Variants in ZNF420 observed in about 807,000 individuals in gnomAD.
ZNF420 encodes zinc finger protein 420, also known as ATM and p53-associated KZNF protein.
Under a neutral mutation model 44.7 loss-of-function variants are expected in ZNF420, and 31 were observed. That is an observed-to-expected ratio of 0.69 (90% CI 0.52 to 0.94). The LOEUF (loss-of-function observed/expected upper bound fraction) is 0.94. Among genes scored for constraint, ZNF420 ranks in the 40% least tolerant of loss-of-function variants. The pLI, the probability that ZNF420 is intolerant of heterozygous loss-of-function variation, is 0.00. For missense variants in ZNF420, 681 were observed against 827.9 expected, an observed-to-expected ratio of 0.82 and a Z score of 2.18; for synonymous variants, 245 against 267.4, an observed-to-expected ratio of 0.92 and a Z score of 0.82.
chr19:37,017,750 CAGGA>C, intron 1 of ZNF420, among the ~76,000 whole-genome samples: 1 of 152,092 alleles, frequency 6.6e-6, no homozygotes. Flanking sequence ...TCTCCAAGAT[CAGGA>C]ACAAAGGAAG....
intron 1 of ZNF420, among the ~76,000 whole-genome samples, chr19:37,059,929 C>T (rs1029715475): frequency 2.0e-5 from 3 of 151,906 alleles, no homozygotes. Context: ...GTGTGTGTGC[C>T]CATGAGCGTG....
At chr19:37,072,651 A>G (rs936380583) in intron 1 of ZNF420, among the ~76,000 whole-genome samples, 2 of 152,248 alleles carry the variant, frequency 1.3e-5, no homozygotes, top group South Asian at 2.1e-4. Flanking sequence ...TTCATGACAT[A>G]GATGGCCATT....
chr19:37,122,358 C>T (rs1472163012), intron 4 of ZNF420, among the ~76,000 whole-genome samples: 1 of 150,550 alleles, frequency 6.6e-6, no homozygotes, highest in Non-Finnish European at 1.5e-5. Context: ...CAAACTATCT[C>T]AAGGACAGAA....
At chr19:37,105,135 T>C (rs1341601895) in intron 4 of ZNF420, among the ~76,000 whole-genome samples, 1 of 152,240 alleles carries the variant, frequency 6.6e-6, no homozygotes, top group East Asian at 1.9e-4. Context: ...GTTTTAGGTC[T>C]AACATTTAAG....
At chr19:37,040,725 A>ACAAC (rs1967437910) in intron 1 of ZNF420, among the ~76,000 whole-genome samples, 1 of 152,218 alleles carries the variant, frequency 6.6e-6, no homozygotes, top group African/African-American at 2.4e-5. Flanking sequence ...ACTGAGGTAT[A>ACAAC]ACTGGACAAA....
chr19:37,089,060 T>C lies in ZNF420; in HGVS notation c.-59T>C. ...GTAGCTCTGCATTCTCCAGACTCTG[T>C]GCTTTCCTAAGATAGGAACCCAGAA... On this transcript the variant is annotated 5_prime_UTR_variant, in exon 3 of 5. Coordinates refer to ENST00000337995, the MANE Select transcript of ZNF420 (RefSeq NM_144689.5). 2 of 1,549,338 alleles carry C rather than the reference T, an allele frequency of 1.3e-6. No individual in the cohort carries two copies. The highest frequency in any genetic ancestry group is 1.8e-6 in the Non-Finnish European group (2 of 1,120,828).
chr19:37,115,248 ATG>A (rs1970606513), intron 4 of ZNF420: 1 of 159,052 alleles, frequency 6.3e-6, no homozygotes, highest in Non-Finnish European at 1.4e-5. Context: ...GTCAGGTGGA[ATG>A]AGAGACTTGA....
Position 37,091,095 on chromosome 19 carries a change from A to G in ZNF420, c.110A>G (p.Glu37Gly). 1 of 1,601,424 alleles carries G rather than the reference A, an allele frequency of 6.2e-7. No homozygotes were observed. Among genetic ancestry groups the G allele is most frequent in the South Asian group, 1.1e-5 (1 of 87,082 alleles). The change falls in exon 4 of 5, where the codon GAG (glutamate) becomes GGG (glycine). Residue 37 changes from glutamate to glycine, a missense_variant. This residue lies in a region of ZNF420 where 350 missense variants were observed against 382.5 expected (regional missense o/e 0.92). Transcript: ENST00000337995. ...GATTTGTATAGAGATGTGATGTTGG[A>G]GAACTATAGCAACTTGGTATCACTA... ...QRDLYRDVMLENYSNLVSLDL... is the reference protein window; with the variant it reads ...QRDLYRDVMLGNYSNLVSLDL...
In ZNF420 at chr19:37,128,956, T is replaced by G; in HGVS notation, c.1965T>G (p.Gly655=). The part of the protein sequence containing the change: ...CKECGKAFTR[G]SQLTQHQRIH... ...AATGTGGGAAGGCCTTTACTCGTGG[T>G]TCACAGCTAACTCAACATCAGAGAA... The change falls in exon 5 of 5, where the codon GGT becomes GGG. Residue 655 remains glycine (G), a synonymous_variant. Coordinates refer to ENST00000337995, the MANE Select transcript of ZNF420 (RefSeq NM_144689.5). 1.9e-6 allele frequency: 3 copies of G among 1,614,096 alleles called. No homozygotes were observed. The highest frequency in any genetic ancestry group is 2.5e-6 in the Non-Finnish European group (3 of 1,179,984).
chr19:37,119,065 A>G (rs1193682351), intron 4 of ZNF420, among the ~76,000 whole-genome samples: 2 of 152,200 alleles, frequency 1.3e-5, no homozygotes, highest in Admixed American at 6.5e-5. Flanking sequence ...GATCAGCAAG[A>G]CAGAAAGTTA....
chr19:37,010,982 G>C (rs993739741), intron 1 of ZNF420, among the ~76,000 whole-genome samples: 1 of 152,148 alleles, frequency 6.6e-6, no homozygotes, highest in African/African-American at 2.4e-5. Context: ...CTGGGAATGG[G>C]ACATGGCAAA....
In ZNF420 at chr19:37,128,671, A is replaced by G. The variant is rs759255703; in HGVS notation, c.1680A>G (p.Gln560=). Residue 560 remains glutamine (Q), a synonymous_variant, in exon 5 of 5, where the codon CAA becomes CAG. Transcript: ENST00000337995. ...TTCATACTGGTGAGAAACCATATCA[A>G]TGTAAGGAATGTGGGAAAGCCTTTA... ...QRIHTGEKPY[Q]CKECGKAFIR... The G allele has an allele frequency of 5.0e-6, 8 of 1,614,148 alleles. No homozygotes were observed. The highest frequency in any genetic ancestry group is 2.7e-5 in the African/African-American group (2 of 75,046).
chr19:37,117,807 C>T (rs1462672610), intron 4 of ZNF420, among the ~76,000 whole-genome samples: 1 of 152,070 alleles, frequency 6.6e-6, no homozygotes, highest in Non-Finnish European at 1.5e-5. Flanking sequence ...AGCCAAGGCT[C>T]AAGAACTATG....
chr19:37,081,817 A>G (rs911656634), intron 2 of ZNF420, among the ~76,000 whole-genome samples: 3 of 144,990 alleles, frequency 2.1e-5, no homozygotes, highest in African/African-American at 7.8e-5. Context: ...AAGTGCAGGG[A>G]TTACAGGTGT....
chr19:37,130,286 C>A lies in ZNF420; in HGVS notation c.*1228C>A, dbSNP rs1269103705. On this transcript the variant is annotated 3_prime_UTR_variant, in exon 5 of 5. Coordinates refer to ENST00000337995, the MANE Select transcript of ZNF420 (RefSeq NM_144689.5). ...GCTCTGGTCTGCTTGCCTCCTGTTT[C>A]TCTTTAAATAAAATTAAACATCTTA... is the stretch of plus-strand genomic sequence containing the variant. 12 of 1,417,942 alleles carry A rather than the reference C, an allele frequency of 8.5e-6. No individual in the cohort carries two copies. Among genetic ancestry groups the A allele is most frequent in the Non-Finnish European group, 1.1e-5 (12 of 1,082,448 alleles). The allele number at this position is 1,417,942 out of a possible 1,614,324, so 87.8% of individuals were successfully genotyped here.
intron 1 of ZNF420, among the ~76,000 whole-genome samples, chr19:37,024,137 A>G (rs189582043): frequency 2.3e-4 from 35 of 152,242 alleles, no homozygotes; most frequent in Admixed American, 2.2e-3. Context: ...TTTATAACCC[A>G]GACATAACCT....
Position 37,079,297 on chromosome 19 carries a change from A to G in ZNF420, c.-125+727A>G, listed in dbSNP as rs548703519. 9.2e-5 allele frequency among the ~76,000 whole-genome samples: 14 copies of G among 152,294 alleles called. No homozygotes were observed. The East Asian group carries it at 2.5e-3, about 27-fold the overall frequency. Reference sequence around the variant, plus strand: ...TGTGTGACTTTATGTGGCCATTTGTATATTCTGTGACCTTATGGGGGTTTA... The same window carrying G: ...TGTGTGACTTTATGTGGCCATTTGTGTATTCTGTGACCTTATGGGGGTTTA... On this transcript the variant is annotated intron_variant, in intron 1 of 4. Coordinates refer to ENST00000337995, the MANE Select transcript of ZNF420 (RefSeq NM_144689.5).
rs181542273 is a variant in ZNF420, at chr19:37,011,439, G to C, written c.-125+3357G>C. On this transcript the variant is annotated intron_variant, in intron 1 of 4. Transcript: ENST00000587029. ...ACATCCTCTTCTGAGCTCCTGGGTG[G>C]ACTGCCTCCCAGAACTGAATCTTTT... is the stretch of plus-strand genomic sequence containing the variant. Among the ~76,000 whole-genome samples, 893 of 152,254 alleles carry C rather than the reference G, an allele frequency of 5.9e-3. 5 individuals are homozygous for C. Among genetic ancestry groups the C allele is most frequent in the Non-Finnish European group, 1.0e-2 (677 of 68,002 alleles).
At chr19:37,045,347 T>C (rs189183558) in intron 1 of ZNF420, among the ~76,000 whole-genome samples, 1 of 152,362 alleles carries the variant, frequency 6.6e-6, no homozygotes, top group Admixed American at 6.5e-5. Context: ...CAGGTGTTAT[T>C]AAAAATGTGA....
Sources: gnomAD v4.1 joint callset for allele counts (sites outside exome capture counted in the v4.1 genomes callset) on GRCh38, gnomAD v4.1.1 for gene constraint, gnomAD v4.1.1 regional missense constraint, MANE v1.5 for transcripts, NCBI Gene and HGNC (gene_info 2026-07-23, HGNC 2026-07-21) for gene names.